The following NRXN1 variants were observed in gnomAD, a reference collection of about 807,000 sequenced individuals.
NRXN1 encodes neurexin 1.
NRXN1 carries 39 observed loss-of-function variants against 150.9 expected under a neutral mutation model. The ratio of observed to expected loss-of-function variants is 0.26; its 90% CI spans 0.20 to 0.34. The LOEUF (loss-of-function observed/expected upper bound fraction) is 0.34, where lower values mean the gene tolerates loss of function less well. NRXN1 is among the 10% of genes least tolerant of loss of function. NRXN1 has a pLI of 1.00. For missense variants in NRXN1, 1,815 were observed against 1,949.9 expected, an observed-to-expected ratio of 0.93 and a Z score of 1.30; for synonymous variants, 924 against 757.0, an observed-to-expected ratio of 1.22 and a Z score of -3.62.
chr2:49,969,769 G>A (rs1224185788), intron 21 of NRXN1: 1 of 152,008 alleles, frequency 6.6e-6, no homozygotes, highest in Non-Finnish European at 1.5e-5. Flanking sequence ...ATATACTCCT[G>A]TAGAGTTTTC....
chr2:50,248,525 C>T (rs2066726492), intron 17 of NRXN1, among the ~76,000 whole-genome samples: 1 of 152,078 alleles, frequency 6.6e-6, no homozygotes, highest in African/African-American at 2.4e-5. Flanking sequence ...ATTATTAAGT[C>T]TTTAAAATGA....
chr2:50,236,639 G>C, intron 18 of NRXN1, 150 bp downstream of exon 18: 1 of 728,064 alleles, frequency 1.4e-6, no homozygotes, highest in South Asian at 1.6e-5. Context: ...ATAGGTATAT[G>C]GTCTTATTTC....
intron 8 of NRXN1, among the ~76,000 whole-genome samples, chr2:50,560,599 A>G (rs1482044145): frequency 6.6e-6 from 1 of 151,972 alleles, no homozygotes; most frequent in East Asian, 1.9e-4. Context: ...CGCCCGGTTA[A>G]TTTTGGATTT....
At chr2:50,604,261 G>T (rs557241914) in intron 8 of NRXN1, among the ~76,000 whole-genome samples, 2 of 152,216 alleles carry the variant, frequency 1.3e-5, no homozygotes, top group South Asian at 4.1e-4. Flanking sequence ...ATTTGCTTCT[G>T]TATCACCTTA....
intron 19 of NRXN1, among the ~76,000 whole-genome samples, chr2:50,057,736 C>T (rs2152635986): frequency 6.6e-6 from 1 of 152,218 alleles, no homozygotes; most frequent in Non-Finnish European, 1.5e-5. Context: ...TTCTTACAAC[C>T]TAACAACATT....
chr2:50,190,524 A>T (rs1188854677), intron 18 of NRXN1, among the ~76,000 whole-genome samples: 1 of 152,172 alleles, frequency 6.6e-6, no homozygotes, highest in South Asian at 2.1e-4. Context: ...CTTTAAAATA[A>T]AAACAAAACA....
chr2:50,532,609 T>A (rs1558892513), intron 10 of NRXN1, among the ~76,000 whole-genome samples: 1 of 152,138 alleles, frequency 6.6e-6, no homozygotes, highest in Non-Finnish European at 1.5e-5. Context: ...CCTGAATAAG[T>A]TCTCATGCAA....
At chr2:50,007,631 T>C (rs1448413717) in intron 21 of NRXN1, among the ~76,000 whole-genome samples, 1 of 152,162 alleles carries the variant, frequency 6.6e-6, no homozygotes, top group Non-Finnish European at 1.5e-5. Context: ...CAGTCTATCA[T>C]TGATGGACAT....
Position 50,934,107 on chromosome 2 carries a change from C to T in NRXN1, c.773-8152G>A, listed in dbSNP as rs113228416. Among the ~76,000 whole-genome samples, 294 of 152,190 alleles carry T rather than the reference C, an allele frequency of 1.9e-3. 4 individuals are homozygous for T. Among genetic ancestry groups the T allele is most frequent in the African/African-American group, 6.9e-3 (286 of 41,540 alleles). On this transcript the variant is annotated intron_variant, in intron 2 of 22. Coordinates refer to ENST00000401669, the MANE Select transcript of NRXN1 (RefSeq NM_001330078.2). ...ATACCATTACTTCAAAAGCTCCTCCCTAAACATCAGTACCAGCATGTGTGT... is the reference window on the plus strand; with the variant it reads ...ATACCATTACTTCAAAAGCTCCTCCTTAAACATCAGTACCAGCATGTGTGT...
chr2:49,928,619 T>G (rs771476761), intron 22 of NRXN1, among the ~76,000 whole-genome samples: 1 of 152,090 alleles, frequency 6.6e-6, no homozygotes, highest in Non-Finnish European at 1.5e-5. Context: ...TTTTCCCCCA[T>G]TTGAAAAAAA....
intron 17 of NRXN1, among the ~76,000 whole-genome samples, chr2:50,401,565 A>G (rs889222357): frequency 6.6e-6 from 1 of 152,044 alleles, no homozygotes; most frequent in African/African-American, 2.4e-5. Context: ...CCCTAAGGGA[A>G]GACAGGACAC....
At chr2:50,827,527 CTTTTA>C (rs1178093906) in intron 5 of NRXN1, among the ~76,000 whole-genome samples, 1 of 150,248 alleles carries the variant, frequency 6.7e-6, no homozygotes, top group Admixed American at 6.6e-5. Flanking sequence ...AAAGTAAACT[CTTTTA>C]AAGACTTACT....
chr2:50,351,887 T>TG (rs1213619812), intron 17 of NRXN1, among the ~76,000 whole-genome samples: 1 of 152,146 alleles, frequency 6.6e-6, no homozygotes, highest in Non-Finnish European at 1.5e-5. Context: ...AATGAAGAGC[T>TG]GGAACTTCAC....
intron 5 of NRXN1, among the ~76,000 whole-genome samples, chr2:50,896,858 A>T (rs1395687433): frequency 6.6e-6 from 1 of 152,094 alleles, no homozygotes; most frequent in Non-Finnish European, 1.5e-5. Context: ...AAAAAAAAAA[A>T]AAATTCAGAA....
chr2:50,022,340 T>G (rs770228642), intron 21 of NRXN1, among the ~76,000 whole-genome samples: 7 of 152,232 alleles, frequency 4.6e-5, no homozygotes, highest in Non-Finnish European at 1.0e-4. Flanking sequence ...GTCCTGGATA[T>G]TAACTTCTAG....
chr2:50,122,726 C>A (rs1316574636), intron 18 of NRXN1, among the ~76,000 whole-genome samples: 1 of 152,212 alleles, frequency 6.6e-6, no homozygotes, highest in Non-Finnish European at 1.5e-5. Context: ...TCTGACTTTT[C>A]TTTTCAAAAA....
At chr2:50,333,497 A>T (rs2076963891) in intron 17 of NRXN1, among the ~76,000 whole-genome samples, 2 of 152,118 alleles carry the variant, frequency 1.3e-5, no homozygotes, top group South Asian at 4.1e-4. Context: ...ATCAGTAATG[A>T]AGGAGGATGT....
At chr2:50,395,477 C>G (rs1487830732) in intron 17 of NRXN1, among the ~76,000 whole-genome samples, 1 of 151,780 alleles carries the variant, frequency 6.6e-6, no homozygotes, top group Non-Finnish European at 1.5e-5. Flanking sequence ...AAAATGGATT[C>G]TAACGTATAT....
chr2:51,009,015 C>A (rs951010087), intron 2 of NRXN1, among the ~76,000 whole-genome samples: 2 of 151,612 alleles, frequency 1.3e-5, no homozygotes, highest in Non-Finnish European at 2.9e-5. Flanking sequence ...AAATTAGAAC[C>A]CAGCAATGTA....
Sources: gnomAD v4.1 joint callset for allele counts (sites outside exome capture counted in the v4.1 genomes callset) on GRCh38, gnomAD v4.1.1 for gene constraint, MANE v1.5 for transcripts, NCBI Gene and HGNC (gene_info 2026-07-23, HGNC 2026-07-21) for gene names.